Variants in KANSL1 observed in about 807,000 individuals in gnomAD.
The protein encoded by KANSL1 is KAT8 regulatory NSL complex subunit 1.
A neutral mutation model predicts 103.6 loss-of-function variants in KANSL1; 22 were observed. The observed-to-expected ratio is 0.21, with a 90% CI of 0.15 to 0.30. The LOEUF (loss-of-function observed/expected upper bound fraction) is 0.30, where lower values mean the gene tolerates loss of function less well. Ranked by LOEUF, KANSL1 falls within the 10% of genes least tolerant of loss-of-function variation. The pLI, the probability that KANSL1 is intolerant of heterozygous loss-of-function variation, is 1.00. For missense variants in KANSL1, 1,337 were observed against 1,399.8 expected, an observed-to-expected ratio of 0.96 and a Z score of 0.72; for synonymous variants, 600 against 527.6, an observed-to-expected ratio of 1.14 and a Z score of -1.88.
intron 6 of KANSL1, 63 bp downstream of exon 6, chr17:46,066,474 G>C: frequency 7.0e-7 from 1 of 1,429,710 alleles, no homozygotes; most frequent in South Asian, 1.6e-5. Flanking sequence ...GTTGGCAAGA[G>C]ACTAACTCTA....
chr17:46,217,110 CAAAAA>C (rs33982904), intron 1 of KANSL1, among the ~76,000 whole-genome samples: 12 of 111,024 alleles, frequency 1.1e-4, no homozygotes, highest in African/African-American at 7.9e-5. Context: ...GACCCTGTCT[CAAAAA>C]AAAAAAAAAA....
At chr17:46,174,876 G>T (rs1454393598) in intron 1 of KANSL1, among the ~76,000 whole-genome samples, 1 of 152,138 alleles carries the variant, frequency 6.6e-6, no homozygotes, top group Non-Finnish European at 1.5e-5. Context: ...ATTTCATTTT[G>T]TTGCCCAGGC....
At chr17:46,147,029 A>G (rs1279661161) in intron 2 of KANSL1, among the ~76,000 whole-genome samples, 1 of 152,122 alleles carries the variant, frequency 6.6e-6, no homozygotes, top group Admixed American at 6.5e-5. Flanking sequence ...CTCCATCACT[A>G]AAAATAAGTA....
chr17:46,105,942 CACA>C (rs1567680848), intron 2 of KANSL1, among the ~76,000 whole-genome samples: 1 of 64,590 alleles, frequency 1.5e-5, no homozygotes, highest in Non-Finnish European at 4.5e-5. Context: ...CACACACACA[CACA>C]CACCCCCCCA....
intron 2 of KANSL1, among the ~76,000 whole-genome samples, chr17:46,098,638 A>G (rs557123405): frequency 1.3e-5 from 2 of 152,380 alleles, no homozygotes; most frequent in East Asian, 1.9e-4. Context: ...TGGTTAATAA[A>G]CTAATTAAAG....
intron 6 of KANSL1, among the ~76,000 whole-genome samples, chr17:46,054,920 A>G (rs2077863497): frequency 6.7e-6 from 1 of 149,518 alleles, no homozygotes; most frequent in African/African-American, 2.5e-5. Flanking sequence ...GTGGGATCTC[A>G]GCTCACTGCA....
chr17:46,154,946 G>A (rs976128665), intron 2 of KANSL1, among the ~76,000 whole-genome samples: 3 of 152,152 alleles, frequency 2.0e-5, no homozygotes, highest in African/African-American at 7.2e-5. Context: ...CAAGGTATAA[G>A]CCACCACGAG....
intron 2 of KANSL1, among the ~76,000 whole-genome samples, chr17:46,111,020 A>G (rs967376220): frequency 1.3e-5 from 2 of 152,232 alleles, no homozygotes; most frequent in African/African-American, 4.8e-5. Flanking sequence ...AGAACATGTC[A>G]TATTCCTGGT....
chr17:46,177,430 T>C (rs2046574835), intron 1 of KANSL1, among the ~76,000 whole-genome samples: 2 of 152,222 alleles, frequency 1.3e-5, no homozygotes, highest in Admixed American at 1.3e-4. Flanking sequence ...TTCATGATGT[T>C]GTTTATAATA....
Position 46,032,309 on chromosome 17 carries a change from A to G in KANSL1, c.2838-10T>C. On this transcript the variant is annotated splice_polypyrimidine_tract_variant and intron_variant, in intron 13 of 14. Transcript: ENST00000432791. ...TGATGACCTGTAGGACCTGCACACC[A>G]AGGAATGCAAATCTGAGTGCCTGGG... is the stretch of plus-strand genomic sequence containing the variant. 6.7e-7 allele frequency: 1 copy of G among 1,498,282 alleles called. No individual in the cohort carries two copies. The highest frequency in any genetic ancestry group is 8.9e-7 in the Non-Finnish European group (1 of 1,126,496). 92.8% of individuals were successfully genotyped at this position (1,498,282 alleles called of 1,614,324 possible). A position where few individuals can be genotyped will look rare whatever the true frequency, so the allele number is the denominator to read the frequency against.
At chr17:46,033,055 T>C (rs977650638) in intron 13 of KANSL1, 25 bp downstream of exon 13, 2 of 1,539,386 alleles carry the variant, frequency 1.3e-6, no homozygotes, top group Non-Finnish European at 8.8e-7. Context: ...CCACAGGCCC[T>C]GGGGACCCAA....
rs569213724 is a variant in KANSL1 at position 46,039,368 on chromosome 17, A to G, written c.2204-153T>C. 5.8e-6 allele frequency: 4 copies of G among 695,272 alleles called. No homozygotes were observed. In the Admixed American group the frequency reaches 1.4e-4, roughly 24 times the overall value. 43.1% of individuals were successfully genotyped at this position (695,272 alleles called of 1,614,324 possible). A position where few individuals can be genotyped will look rare whatever the true frequency, so the allele number is the denominator to read the frequency against. On this transcript the variant is annotated intron_variant, in intron 8 of 14. Transcript: ENST00000432791. The stretch of plus-strand genomic sequence containing the variant: ...GACTGAAGTTTCTAGTAATTTGCAC[A>G]ATGGCTAGGATAGGCACAGGGAGCC...
chr17:46,167,718 A>G (rs1279484404), intron 2 of KANSL1, among the ~76,000 whole-genome samples: 1 of 152,284 alleles, frequency 6.6e-6, no homozygotes, highest in Non-Finnish European at 1.5e-5. Flanking sequence ...ATTTAGCAAT[A>G]TAGTTTACTG....
intron 1 of KANSL1, among the ~76,000 whole-genome samples, chr17:46,180,667 CAAAG>C (rs1213166986): frequency 6.6e-6 from 1 of 152,052 alleles, no homozygotes; most frequent in South Asian, 2.1e-4. Flanking sequence ...GCCAGGGCGA[CAAAG>C]AGAGGCTCTG....
Position 46,032,197 on chromosome 17 carries a change from C to T in KANSL1, c.2940G>A (p.Leu980=). ...ASPDVSSSHS[L]SEYSHGQSPR... ...GGGACTGACCATGGGAGTATTCTGA[C>T]AAAGAGTGGCTACTGCTGACATCAG... is the stretch of plus-strand genomic sequence containing the variant. Residue 980 remains leucine, a synonymous_variant, in exon 14 of 15, where the codon TTG becomes TTA. Coordinates refer to ENST00000432791, the MANE Select transcript of KANSL1 (RefSeq NM_015443.4). The T allele has an allele frequency of 1.9e-6, 3 of 1,606,656 alleles. No homozygotes were observed. Among genetic ancestry groups the T allele is most frequent in the Non-Finnish European group, 2.6e-6 (3 of 1,175,040 alleles).
At chr17:46,101,407 A>C (rs2147012926) in intron 2 of KANSL1, among the ~76,000 whole-genome samples, 1 of 152,340 alleles carries the variant, frequency 6.6e-6, no homozygotes, top group East Asian at 1.9e-4. Context: ...TGATAGCCAT[A>C]CAATGATGTA....
At chr17:46,085,180 G>A (rs1179944436) in intron 3 of KANSL1, among the ~76,000 whole-genome samples, 1 of 152,134 alleles carries the variant, frequency 6.6e-6, no homozygotes, top group African/African-American at 2.4e-5. Flanking sequence ...GCTGCTGGAG[G>A]TAAGGGTTAT....
chr17:46,189,965 G>A (rs981637997), intron 1 of KANSL1, among the ~76,000 whole-genome samples: 1 of 150,090 alleles, frequency 6.7e-6, no homozygotes, highest in Non-Finnish European at 1.5e-5. Flanking sequence ...AGCTTTACTC[G>A]CAAAGGGGCC....
At chr17:46,094,750 T>C in intron 2 of KANSL1, 49 bp from the exon 3 acceptor site, 1 of 1,605,164 alleles carries the variant, frequency 6.2e-7, no homozygotes, top group Non-Finnish European at 8.5e-7. Flanking sequence ...GTAATATCTA[T>C]ACCAGATTGG....
Sources: allele counts gnomAD v4.1 joint callset (sites outside exome capture counted in the v4.1 genomes callset), GRCh38; gene constraint gnomAD v4.1.1; transcripts MANE v1.5; gene names NCBI Gene and HGNC (gene_info 2026-07-23, HGNC 2026-07-21).